Variants in NRXN3 observed in about 807,000 individuals in gnomAD.
NRXN3 encodes neurexin III.
NRXN3 carries 32 observed loss-of-function variants against 137.6 expected under a neutral mutation model. That is an observed-to-expected ratio of 0.23 (90% CI 0.18 to 0.31). The LOEUF (loss-of-function observed/expected upper bound fraction) is 0.31, where lower values mean the gene tolerates loss of function less well. Ranked by LOEUF, NRXN3 falls within the 10% of genes least tolerant of loss-of-function variation. NRXN3 has a pLI of 1.00. For missense variants in NRXN3, 1,574 were observed against 2,062.5 expected, an observed-to-expected ratio of 0.76 and a Z score of 4.59; for synonymous variants, 798 against 784.5, an observed-to-expected ratio of 1.02 and a Z score of -0.29.
chr14:78,862,271 A>ATAGATAG (rs1567543911), intron 10 of NRXN3, among the ~76,000 whole-genome samples: 10,457 of 148,992 alleles, frequency 0.07, 845 homozygotes, highest in African/African-American at 0.2. Flanking sequence ...TAGATAGATA[A>ATAGATAG]ATAGATAGAT....
intron 4 of NRXN3, among the ~76,000 whole-genome samples, chr14:78,307,332 T>C (rs1387861438): frequency 6.6e-6 from 1 of 152,000 alleles, no homozygotes; most frequent in Non-Finnish European, 1.5e-5. Context: ...GGTTGATTTA[T>C]TTTTTAAAAA....
At chr14:78,862,607 A>C (rs1364448700) in intron 10 of NRXN3, among the ~76,000 whole-genome samples, 4 of 152,136 alleles carry the variant, frequency 2.6e-5, no homozygotes, top group African/African-American at 9.7e-5. Flanking sequence ...CTGCTTATAC[A>C]GAATGGTTAC....
At chr14:79,706,152 G>T (rs1433207151) in intron 19 of NRXN3, among the ~76,000 whole-genome samples, 1 of 152,154 alleles carries the variant, frequency 6.6e-6, no homozygotes, top group African/African-American at 2.4e-5. Flanking sequence ...GGAATAAGGA[G>T]TCCCAGAGAT....
chr14:79,775,267 G>A (rs961859247), intron 19 of NRXN3, among the ~76,000 whole-genome samples: 4 of 152,030 alleles, frequency 2.6e-5, no homozygotes, highest in African/African-American at 9.7e-5. Flanking sequence ...TGAGATTAAT[G>A]TTTATATATT....
chr14:78,676,105 A>C (rs1414592986), intron 6 of NRXN3, among the ~76,000 whole-genome samples: 1 of 152,128 alleles, frequency 6.6e-6, no homozygotes, highest in Non-Finnish European at 1.5e-5. Context: ...TGATACAATA[A>C]TATTGACATT....
chr14:79,470,947 AGAGAGTGTGTGTGTGT>A (rs1237990120), intron 16 of NRXN3, among the ~76,000 whole-genome samples: 17 of 102,666 alleles, frequency 1.7e-4, no homozygotes, highest in Non-Finnish European at 2.9e-4. Flanking sequence ...AGAAAGAGAG[AGAGAGTGTGTGTGTGT>A]GTGTGTGTGT....
intron 15 of NRXN3, chr14:79,279,411 G>A: frequency 1.0e-6 from 1 of 986,190 alleles, no homozygotes; most frequent in Non-Finnish European, 1.2e-6. Flanking sequence ...CCTGGTCCGC[G>A]CACTTCGCAG....
chr14:79,604,237 C>G (rs1333154851), intron 16 of NRXN3, among the ~76,000 whole-genome samples: 1 of 150,424 alleles, frequency 6.6e-6, no homozygotes, highest in African/African-American at 2.4e-5. Context: ...TTTTTTGTTT[C>G]TTTGTTTGTT....
At chr14:78,628,794 A>C (rs2097492219) in intron 4 of NRXN3, among the ~76,000 whole-genome samples, 1 of 152,200 alleles carries the variant, frequency 6.6e-6, no homozygotes, top group African/African-American at 2.4e-5. Context: ...TGTCCAGGCT[A>C]GCAGCCACAG....
In NRXN3 at chr14:79,566,624, T is replaced by C. The variant is rs142217720; in HGVS notation, c.3445-97154T>C. Among the ~76,000 whole-genome samples the C allele has an allele frequency of 1.4e-4, 22 of 152,276 alleles. No homozygotes were observed. In the East Asian group the frequency reaches 4.1e-3, roughly 28 times the overall value. ...CCAGACATACATCACCAGGGTTAAA[T>C]CATTTTCAGTATGAAATGATGTAAT... is the stretch of plus-strand genomic sequence containing the variant. On this transcript the variant is annotated intron_variant, in intron 16 of 20. Coordinates refer to ENST00000335750, the MANE Select transcript of NRXN3 (RefSeq NM_001330195.2).
At chr14:78,989,814 G>C (rs1251259955) in intron 15 of NRXN3, among the ~76,000 whole-genome samples, 4 of 152,130 alleles carry the variant, frequency 2.6e-5, no homozygotes, top group Non-Finnish European at 4.4e-5. Flanking sequence ...GGTAGAAAAT[G>C]GTCAGGAAGA....
intron 16 of NRXN3, among the ~76,000 whole-genome samples, chr14:79,505,817 T>G (rs894053045): frequency 6.6e-6 from 1 of 152,232 alleles, no homozygotes; most frequent in Non-Finnish European, 1.5e-5. Context: ...ATGTAACAAA[T>G]GACCACAATG....
At chr14:79,467,777 GATTTGGCAAACCTTCTGT>G (rs1388886440) in intron 16 of NRXN3, among the ~76,000 whole-genome samples, 2 of 152,138 alleles carry the variant, frequency 1.3e-5, no homozygotes, top group African/African-American at 4.8e-5. Context: ...CCTAGGCTGG[GATTTGGCAAACCTTCTGT>G]AAAGAGACGT....
intron 11 of NRXN3, among the ~76,000 whole-genome samples, chr14:78,958,201 G>C (rs2099400585): frequency 6.6e-6 from 1 of 152,068 alleles, no homozygotes; most frequent in Non-Finnish European, 1.5e-5. Flanking sequence ...TCAATCAGAA[G>C]AGAGAATTAC....
intron 4 of NRXN3, among the ~76,000 whole-genome samples, chr14:78,386,361 C>T (rs2089977122): frequency 6.6e-6 from 1 of 152,124 alleles, no homozygotes; most frequent in African/African-American, 2.4e-5. Context: ...TCAAAGCTAG[C>T]ACCAGGTAGT....
intron 19 of NRXN3, among the ~76,000 whole-genome samples, chr14:79,761,452 G>A (rs1603468256): frequency 1.3e-5 from 2 of 151,642 alleles, no homozygotes; most frequent in Admixed American, 1.3e-4. Context: ...CTGACCAACA[G>A]TAGGTGGATT....
intron 6 of NRXN3, among the ~76,000 whole-genome samples, chr14:78,662,913 T>A (rs2097852684): frequency 6.6e-6 from 1 of 152,228 alleles, no homozygotes; most frequent in South Asian, 2.1e-4. Flanking sequence ...ACAGCAATTA[T>A]AATCATAGCA....
intron 1 of NRXN3, among the ~76,000 whole-genome samples, chr14:78,181,218 G>A (rs555944653): frequency 1.3e-5 from 2 of 152,284 alleles, no homozygotes; most frequent in South Asian, 2.1e-4. Flanking sequence ...CGATATGCCC[G>A]AAATGCCTAG....
intron 20 of NRXN3, among the ~76,000 whole-genome samples, chr14:79,833,870 T>G (rs1337569257): frequency 5.3e-5 from 8 of 152,274 alleles, no homozygotes; most frequent in Non-Finnish European, 1.0e-4. Flanking sequence ...TAATTGGACC[T>G]TTTGGAATGA....
Sources: gnomAD v4.1 joint callset for allele counts (sites outside exome capture counted in the v4.1 genomes callset) on GRCh38, gnomAD v4.1.1 for gene constraint, MANE v1.5 for transcripts, NCBI Gene and HGNC (gene_info 2026-07-23, HGNC 2026-07-21) for gene names.